The following MARK3 variants were observed in gnomAD, a reference collection of about 807,000 sequenced individuals.
MARK3 encodes the protein MAP/microtubule affinity-regulating kinase 3.
A neutral mutation model predicts 90.1 loss-of-function variants in MARK3; 46 were observed. The ratio of observed to expected loss-of-function variants is 0.51; its 90% confidence interval spans 0.40 to 0.65. MARK3 has a LOEUF of 0.65. Among genes scored for constraint, MARK3 ranks in the 30% least tolerant of loss-of-function variants. The probability of loss-of-function intolerance (pLI) is 0.00; values close to 1 mark genes in which losing one functional copy is unlikely to be tolerated. For missense variants in MARK3, 818 were observed against 947.2 expected (o/e 0.86, Z 1.79); for synonymous variants, 321 against 332.6 (o/e 0.97, Z 0.38).
At chr14:103,440,861 A>G (rs946479861) in intron 3 of MARK3, among the ~76,000 whole-genome samples, 16 of 148,708 alleles carry the variant, frequency 1.1e-4, no homozygotes, top group African/African-American at 4.0e-4. Context: ...GATTAAGCCC[A>G]GGAGTTTACA....
chr14:103,393,529 A>G (rs974432769), intron 1 of MARK3, among the ~76,000 whole-genome samples: 1 of 152,202 alleles, frequency 6.6e-6, no homozygotes, highest in South Asian at 2.1e-4. Context: ...AAGATCTTAT[A>G]GACTTCAATT....
chr14:103,435,989 C>G (rs1199635648), intron 3 of MARK3, among the ~76,000 whole-genome samples: 1 of 152,098 alleles, frequency 6.6e-6, no homozygotes, highest in Non-Finnish European at 1.5e-5. Context: ...CTCCCGAGTT[C>G]AAGTGATTCT....
chr14:103,427,090 T>G (rs2092429828), intron 2 of MARK3, among the ~76,000 whole-genome samples: 1 of 152,032 alleles, frequency 6.6e-6, no homozygotes, highest in Non-Finnish European at 1.5e-5. Flanking sequence ...TGGAGGAGAC[T>G]TTCCCCTTGT....
chr14:103,386,442 T>G, intron 1 of MARK3: 1 of 567,976 alleles, frequency 1.8e-6, no homozygotes. Flanking sequence ...AACTCTGCTT[T>G]TAACTTGGTC....
rs771400236 is a variant in MARK3 at position 103,466,346 on chromosome 14, A to G, written c.901A>G (p.Ile301Val). Residue 301 changes from isoleucine to valine, a missense_variant, in exon 10 of 18, where the codon ATC becomes GTC. This residue lies in a region of MARK3 where 560 missense variants were observed against 613.5 expected (regional missense o/e 0.91). Coordinates refer to ENST00000429436, the MANE Select transcript of MARK3 (RefSeq NM_001128918.3). ...ATGAACAGTTTACCTTTTTTAGCAA[A>G]TCATGAAGGACAGGTGGATCAATGC... ...NPIKRGTLEQ[I>V]MKDRWINAGH... The G allele has an allele frequency of 1.2e-6, 2 of 1,609,402 alleles. No individual in the cohort carries two copies. Among genetic ancestry groups the G allele is most frequent in the Non-Finnish European group, 1.7e-6 (2 of 1,177,048 alleles).
chr14:103,497,716 AAT>A (rs2075424917), intron 15 of MARK3, among the ~76,000 whole-genome samples: 1 of 152,200 alleles, frequency 6.6e-6, no homozygotes, highest in South Asian at 2.1e-4. Context: ...TGTAGCAAAT[AAT>A]ATGTTAATGT....
intron 2 of MARK3, among the ~76,000 whole-genome samples, chr14:103,416,591 T>C (rs1595562455): frequency 6.6e-6 from 1 of 152,070 alleles, no homozygotes; most frequent in Non-Finnish European, 1.5e-5. Flanking sequence ...GCCAACATGG[T>C]GAAACCTCAT....
At chr14:103,409,204 T>A (rs539870044) in intron 2 of MARK3, among the ~76,000 whole-genome samples, 1 of 145,054 alleles carries the variant, frequency 6.9e-6, no homozygotes, top group Admixed American at 7.3e-5. Flanking sequence ...TCAGTTTTTT[T>A]AAAACTTTGA....
chr14:103,490,989 T>A, intron 14 of MARK3: 1 of 1,286,070 alleles, frequency 7.8e-7, no homozygotes, highest in Non-Finnish European at 1.0e-6. Context: ...TAGCCCTGCC[T>A]CAGTTTGTAC....
In MARK3 at chr14:103,465,793, G is replaced by C; in HGVS notation, c.777G>C (p.Lys259Asn). Reference sequence around the variant, plus strand: ...TTCCCTTTGATGGGCAAAACCTAAAGGTATAAGAAGCTGCACCCATGTACT... The same window carrying C: ...TTCCCTTTGATGGGCAAAACCTAAACGTATAAGAAGCTGCACCCATGTACT... ...GSLPFDGQNL[K>N]ELRERVLRGK... The change falls in exon 8 of 18, where the codon AAG becomes AAC. Residue 259 changes from lysine (K) to asparagine (N), a missense_variant and splice_region_variant. Lys to Asn is a moderately conservative substitution (Grantham distance 94). Coordinates refer to ENST00000429436, the MANE Select transcript of MARK3 (RefSeq NM_001128918.3). 2 of 1,611,172 alleles carry C rather than the reference G, an allele frequency of 1.2e-6. No individual in the cohort carries two copies. The highest frequency in any genetic ancestry group is 1.7e-6 in the Non-Finnish European group (2 of 1,178,130).
intron 16 of MARK3, 43 bp downstream of exon 16, chr14:103,498,571 CAAA>C: frequency 7.6e-7 from 1 of 1,315,326 alleles, no homozygotes; most frequent in Non-Finnish European, 9.8e-7. Context: ...TCCTCACTCC[CAAA>C]TGGCTCCTGC....
chr14:103,410,457 G>A (rs7154246), intron 2 of MARK3, among the ~76,000 whole-genome samples: 96,513 of 152,110 alleles, frequency 0.63, 31,108 homozygotes, highest in East Asian at 0.86. Flanking sequence ...AGGGTGTAGA[G>A]AAAACCAGAA....
At chr14:103,389,554 C>T (rs563546300) in intron 1 of MARK3, among the ~76,000 whole-genome samples, 19 of 73,902 alleles carry the variant, frequency 2.6e-4, no homozygotes, top group African/African-American at 8.8e-4. Context: ...AAAAAGCAGA[C>T]AACTTGCAAC....
At chr14:103,439,268 C>G (rs1282937138) in intron 3 of MARK3, among the ~76,000 whole-genome samples, 2 of 152,180 alleles carry the variant, frequency 1.3e-5, no homozygotes, top group African/African-American at 4.8e-5. Context: ...GATTCCCCTT[C>G]TTCATTGCCC....
rs142074575 is a variant in MARK3, at chr14:103,470,454, T to A, written c.1264+2268T>A. Among the ~76,000 whole-genome samples, 87 of 72,150 alleles carry A rather than the reference T, an allele frequency of 1.2e-3. 1 individual carries two copies. The highest frequency in any genetic ancestry group is 6.1e-3 in the Middle Eastern group (1 of 164). The allele number at this position is 72,150 out of a possible 152,430, so 47.3% of individuals were successfully genotyped here. A position where few individuals can be genotyped will look rare whatever the true frequency, so the allele number is the denominator to read the frequency against. ...TATTCCAGGATTCAGGAACTAAATCTATTTTTTTTTTTTTTTTTGAGATGG... is the reference window on the plus strand; with the variant it reads ...TATTCCAGGATTCAGGAACTAAATCAATTTTTTTTTTTTTTTTTGAGATGG... On this transcript the variant is annotated intron_variant, in intron 12 of 17. Coordinates refer to ENST00000429436, the MANE Select transcript of MARK3 (RefSeq NM_001128918.3).
chr14:103,394,923 C>T (rs931876083), intron 1 of MARK3, among the ~76,000 whole-genome samples: 1 of 152,138 alleles, frequency 6.6e-6, no homozygotes, highest in African/African-American at 2.4e-5. Context: ...GCTGGGATTA[C>T]AGGCACCCGC....
chr14:103,465,757 C>G lies in MARK3; in HGVS notation c.741C>G (p.Val247=). 1 of 1,614,080 alleles carries G rather than the reference C, an allele frequency of 6.2e-7. No individual in the cohort carries two copies. The highest frequency in any genetic ancestry group is 8.5e-7 in the Non-Finnish European group (1 of 1,180,002). ...TGGGGGTCATTTTATACACACTAGTCAGTGGCTCACTTCCCTTTGATGGGC... is the reference window on the plus strand; with the variant it reads ...TGGGGGTCATTTTATACACACTAGTGAGTGGCTCACTTCCCTTTGATGGGC... ...WSLGVILYTL[V]SGSLPFDGQN... The change falls in exon 8 of 18, where the codon GTC becomes GTG. Residue 247 remains valine (V), a synonymous_variant. Coordinates refer to ENST00000429436, the MANE Select transcript of MARK3 (RefSeq NM_001128918.3).
At chr14:103,487,980 A>G (rs3783399) in intron 14 of MARK3, among the ~76,000 whole-genome samples, 94,654 of 151,564 alleles carry the variant, frequency 0.62, 30,678 homozygotes, top group Middle Eastern at 0.76. Context: ...CCCAGGAGGC[A>G]GAGCTTGCAG....
chr14:103,503,354 C>G lies in MARK3; in HGVS notation c.*127C>G. 4 of 905,942 alleles carry G rather than the reference C, an allele frequency of 4.4e-6. No homozygotes were observed. The allele number at this position is 905,942 out of a possible 1,614,324, so 56.1% of individuals were successfully genotyped here. A position where few individuals can be genotyped will look rare whatever the true frequency, so the allele number is the denominator to read the frequency against. ...AAATCATGAAATTAAAGTCTGAGGA[C>G]GAGAGCACGCCTGGGAGCGAAAGCT... On this transcript the variant is annotated 3_prime_UTR_variant, in exon 18 of 18. Transcript: ENST00000429436.
Sources: gnomAD v4.1 joint callset for allele counts (sites outside exome capture counted in the v4.1 genomes callset) on GRCh38, gnomAD v4.1.1 for gene constraint, gnomAD v4.1.1 regional missense constraint, MANE v1.5 for transcripts, NCBI Gene and HGNC (gene_info 2026-07-23, HGNC 2026-07-21) for gene names.